The following LDAH variants were observed in gnomAD, a reference collection of about 807,000 sequenced individuals.
LDAH encodes the protein lipid droplet associated hydrolase.
LDAH carries 26 observed loss-of-function variants against 29.6 expected under a neutral mutation model. The observed-to-expected ratio is 0.88, with a 90% confidence interval of 0.64 to 1.22. The LOEUF (loss-of-function observed/expected upper bound fraction) is 1.22, where lower values mean the gene tolerates loss of function less well. Among genes scored for constraint, LDAH ranks in the 50% most tolerant of loss-of-function variants. The pLI is 0.00. For missense variants in LDAH, 344 were observed against 387.3 expected (o/e 0.89, Z 0.94); for synonymous variants, 117 against 133.0 (o/e 0.88, Z 0.83).
At chr2:20,768,019 C>A (rs1220531533) in intron 4 of LDAH, among the ~76,000 whole-genome samples, 1 of 152,136 alleles carries the variant, frequency 6.6e-6, no homozygotes, top group East Asian at 1.9e-4. Context: ...CACTGGGACA[C>A]CCTGGCTACA....
In LDAH at chr2:20,703,358, AC is replaced by A. The variant is rs566465091; in HGVS notation, c.704-1707del. Among the ~76,000 whole-genome samples the A allele has an allele frequency of 3.2e-4, 48 of 152,244 alleles. No individual in the cohort carries two copies. In the South Asian group the frequency reaches 8.9e-3, roughly 28 times the overall value. On this transcript the variant is annotated intron_variant, in intron 5 of 6. Coordinates refer to ENST00000237822, the MANE Select transcript of LDAH (RefSeq NM_021925.4). ...GTTATCTTCAAACCTCTAAACACTT[AC>A]GATCATCTTGTCATTTCTTGATAAC... is the stretch of plus-strand genomic sequence containing the variant.
chr2:20,749,591 C>T lies in LDAH; in HGVS notation c.469-9386G>A, dbSNP rs900978234. Among the ~76,000 whole-genome samples, 77 of 152,138 alleles carry T rather than the reference C, an allele frequency of 5.1e-4. 4 individuals carry two copies. On this transcript the variant is annotated intron_variant, in intron 4 of 6. Coordinates refer to ENST00000237822, the MANE Select transcript of LDAH (RefSeq NM_021925.4). ...AGGGATTTCTGCCACAGAAGCTGCC[C>T]CAGGACACTCTCAGCGTCTAGGAAG...
intron 4 of LDAH, among the ~76,000 whole-genome samples, chr2:20,744,636 A>C (rs1365817195): frequency 1.3e-5 from 2 of 152,202 alleles, no homozygotes; most frequent in Non-Finnish European, 2.9e-5. Context: ...CTTGTTAAGA[A>C]GAGCACAGTG....
chr2:20,802,367 G>A (rs1671770227), intron 1 of LDAH, among the ~76,000 whole-genome samples: 1 of 152,058 alleles, frequency 6.6e-6, no homozygotes, highest in African/African-American at 2.4e-5. Context: ...GCCCCAATAA[G>A]CATATTTTAT....
intron 3 of LDAH, chr2:20,788,972 T>C: frequency 1.5e-6 from 1 of 669,330 alleles, no homozygotes; most frequent in East Asian, 2.9e-5. Flanking sequence ...TTTAGAAACC[T>C]TCCAGCATGG....
intron 6 of LDAH, among the ~76,000 whole-genome samples, chr2:20,700,168 T>C (rs1314389959): frequency 1.3e-5 from 2 of 152,266 alleles, no homozygotes. Context: ...TTCTTGTATT[T>C]TCACATCGCT....
At chr2:20,811,705 C>T (rs997422101) in intron 1 of LDAH, among the ~76,000 whole-genome samples, 2 of 151,798 alleles carry the variant, frequency 1.3e-5, no homozygotes, top group African/African-American at 4.8e-5. Flanking sequence ...AGGACGGTCT[C>T]GATCTCCTGA....
chr2:20,694,608 T>G (rs1663291025), intron 6 of LDAH, among the ~76,000 whole-genome samples: 1 of 152,160 alleles, frequency 6.6e-6, no homozygotes, highest in South Asian at 2.1e-4. Context: ...AACTGAAATC[T>G]CCAAAGATTT....
At chr2:20,822,491 C>T (rs930979792) in intron 1 of LDAH, among the ~76,000 whole-genome samples, 1 of 152,068 alleles carries the variant, frequency 6.6e-6, no homozygotes, top group Non-Finnish European at 1.5e-5. Flanking sequence ...AGCAGGTGTC[C>T]GGTAACTACT....
intron 5 of LDAH, among the ~76,000 whole-genome samples, chr2:20,726,775 GCAAA>G (rs1273856376): frequency 6.6e-6 from 1 of 152,176 alleles, no homozygotes; most frequent in Admixed American, 6.5e-5. Context: ...AATTTAGTCT[GCAAA>G]CAGATAATCT....
chr2:20,691,646 C>T (rs559927704), intron 6 of LDAH, among the ~76,000 whole-genome samples: 1 of 152,244 alleles, frequency 6.6e-6, no homozygotes, highest in East Asian at 1.9e-4. Context: ...TAAATTATTT[C>T]CTGTAGTTTA....
In LDAH at chr2:20,725,528, G is replaced by A. The variant is rs558634018; in HGVS notation, c.703+14443C>T. ...GTCTTACCTCAGTGTTTGGTAGGTG[G>A]GCTATTCTGAGATTAAGTCCATGGA... On this transcript the variant is annotated intron_variant, in intron 5 of 6. Transcript: ENST00000237822. 4.6e-5 allele frequency among the ~76,000 whole-genome samples: 7 copies of A among 152,278 alleles called. No individual in the cohort carries two copies. The South Asian group carries it at 1.5e-3, about 32-fold the overall frequency.
chr2:20,788,900 A>G (rs1670745045), intron 3 of LDAH: 1 of 406,612 alleles, frequency 2.5e-6, no homozygotes, highest in African/African-American at 2.1e-5. Context: ...AACAGTGAAC[A>G]TGCTAGAATT....
chr2:20,770,104 A>G (rs553204465), intron 4 of LDAH, among the ~76,000 whole-genome samples: 31 of 152,330 alleles, frequency 2.0e-4, no homozygotes, highest in African/African-American at 7.0e-4. Flanking sequence ...CTGCCCTTAA[A>G]TCACTAAGAA....
intron 5 of LDAH, among the ~76,000 whole-genome samples, chr2:20,706,632 A>G (rs983810590): frequency 1.3e-5 from 2 of 152,140 alleles, no homozygotes; most frequent in African/African-American, 4.8e-5. Context: ...ATGATTTTCC[A>G]TAGTTCTACT....
At chr2:20,728,324 C>G (rs1391842040) in intron 5 of LDAH, among the ~76,000 whole-genome samples, 4 of 152,100 alleles carry the variant, frequency 2.6e-5, no homozygotes, top group Non-Finnish European at 1.5e-5. Flanking sequence ...TCTGTGGGGG[C>G]CAGGGGGAAA....
intron 5 of LDAH, among the ~76,000 whole-genome samples, chr2:20,713,293 T>G (rs1664906542): frequency 6.6e-6 from 1 of 152,126 alleles, no homozygotes; most frequent in South Asian, 2.1e-4. Context: ...CAAACTAAGC[T>G]TCGTAAATGA....
intron 3 of LDAH, among the ~76,000 whole-genome samples, chr2:20,779,101 C>T (rs761659373): frequency 1.1e-4 from 17 of 152,122 alleles, no homozygotes; most frequent in African/African-American, 3.6e-4. Context: ...CATCTCACAC[C>T]AGAATTTGCT....
chr2:20,747,706 C>T (rs1667673014), intron 4 of LDAH, among the ~76,000 whole-genome samples: 1 of 152,138 alleles, frequency 6.6e-6, no homozygotes, highest in African/African-American at 2.4e-5. Flanking sequence ...GTCTTAAAAA[C>T]TTCATATGTC....
Sources: gnomAD v4.1 joint callset for allele counts (sites outside exome capture counted in the v4.1 genomes callset) on GRCh38, gnomAD v4.1.1 for gene constraint, MANE v1.5 for transcripts, NCBI Gene and HGNC (gene_info 2026-07-23, HGNC 2026-07-21) for gene names.